AKAP7: variants seen among roughly 807,000 people sequenced by gnomAD.
AKAP7 encodes the protein A-kinase anchoring protein 7.
In AKAP7, 39 loss-of-function variants were observed where a neutral mutation model predicts 39.5. That is an observed-to-expected ratio of 0.99 (90% CI 0.76 to 1.29). The LOEUF is 1.29. Among genes scored for constraint, AKAP7 ranks in the 50% most tolerant of loss-of-function variants. The probability of loss-of-function intolerance (pLI) is 0.00; values close to 1 mark genes in which losing one functional copy is unlikely to be tolerated. For synonymous variants in AKAP7, 140 were observed against 139.1 expected (o/e 1.01, Z -0.05); for missense variants, 414 against 407.7 (o/e 1.02, Z -0.13).
chr6:131,212,674 A>G (rs1460536767), intron 6 of AKAP7, among the ~76,000 whole-genome samples: 2 of 152,178 alleles, frequency 1.3e-5, no homozygotes, highest in Non-Finnish European at 2.9e-5. Context: ...AGTAGTATGC[A>G]GGGAATACTC....
At chr6:131,160,781 G>A (rs1802867631) in intron 3 of AKAP7, among the ~76,000 whole-genome samples, 1 of 152,094 alleles carries the variant, frequency 6.6e-6, no homozygotes, top group African/African-American at 2.4e-5. Context: ...ACTTAATATT[G>A]CACCATTAAA....
chr6:131,141,784 T>A (rs1421480766), intron 1 of AKAP7, among the ~76,000 whole-genome samples: 1 of 152,200 alleles, frequency 6.6e-6, no homozygotes, highest in Non-Finnish European at 1.5e-5. Context: ...GTCTCTATGT[T>A]ATGCCCTAGC....
intron 7 of AKAP7, among the ~76,000 whole-genome samples, chr6:131,253,659 CTTATTTATTTATTTAT>C (rs56220549): frequency 2.2e-4 from 33 of 149,796 alleles, no homozygotes; most frequent in South Asian, 6.4e-4. Flanking sequence ...ATGAGATCTA[CTTATTTATTTATTTAT>C]TTATTTATTT....
chr6:131,139,194 T>C (rs1180589444), intron 1 of AKAP7, among the ~76,000 whole-genome samples: 1 of 152,218 alleles, frequency 6.6e-6, no homozygotes, highest in Admixed American at 6.5e-5. Flanking sequence ...GTGTTCTAAA[T>C]ATTTGGTTTG....
At chr6:131,185,318 A>T in intron 5 of AKAP7, 2 of 496,760 alleles carry the variant, frequency 4.0e-6, no homozygotes, top group Admixed American at 5.3e-5. Flanking sequence ...TTACTTCTTC[A>T]TCCAGCTGTA....
intron 7 of AKAP7, among the ~76,000 whole-genome samples, chr6:131,237,413 G>A (rs1811162882): frequency 6.6e-6 from 1 of 152,098 alleles, no homozygotes; most frequent in Admixed American, 6.5e-5. Flanking sequence ...GGATAATGCT[G>A]GCCTCATAAA....
intron 5 of AKAP7, among the ~76,000 whole-genome samples, chr6:131,170,920 T>C (rs988677580): frequency 7.9e-5 from 12 of 152,254 alleles, no homozygotes; most frequent in African/African-American, 2.9e-4. Context: ...AGAAGATTTC[T>C]GTTATGTACT....
chr6:131,242,398 C>A (rs1296644893), intron 7 of AKAP7, among the ~76,000 whole-genome samples: 1 of 151,976 alleles, frequency 6.6e-6, no homozygotes, highest in African/African-American at 2.4e-5. Context: ...TGTTCTCCAG[C>A]CATGTATTAC....
At position 131,282,089 on chromosome 6, in the gene AKAP7, T is replaced by C. The variant is rs980819387; in HGVS notation, c.*363T>C. ...CCATTTATATTGCTTAGCAGGGCATTTGACTACTTTATCTGAGGCCAGAAC... is the reference window on the plus strand; with the variant it reads ...CCATTTATATTGCTTAGCAGGGCATCTGACTACTTTATCTGAGGCCAGAAC... On this transcript the variant is annotated 3_prime_UTR_variant, in exon 8 of 8. Transcript: ENST00000431975. 2.6e-6 allele frequency: 3 copies of C among 1,142,788 alleles called. No individual in the cohort carries two copies. The highest frequency in any genetic ancestry group is 3.2e-6 in the Non-Finnish European group (3 of 932,170). 70.8% of individuals were successfully genotyped at this position (1,142,788 alleles called of 1,614,324 possible).
In AKAP7 at chr6:131,145,332, A is replaced by C. The variant is rs756775542; in HGVS notation, c.67A>C (p.Met23Leu). 8.3e-6 allele frequency: 13 copies of C among 1,564,054 alleles called. No homozygotes were observed. The highest frequency in any genetic ancestry group is 1.0e-5 in the Non-Finnish European group (12 of 1,151,016). ...TGAAAATGTATCAAGAAAAAAGAAA[A>C]TGTCAGAGGAATTTGAAGCCAATAC... is the stretch of plus-strand genomic sequence containing the variant. ...ECENVSRKKK[M>L]SEEFEANTMD... Residue 23 changes from methionine (M) to leucine (L), a missense_variant, in exon 2 of 8, where the codon ATG (methionine) becomes CTG (leucine). Coordinates refer to ENST00000431975, the MANE Select transcript of AKAP7 (RefSeq NM_016377.4).
intron 3 of AKAP7, among the ~76,000 whole-genome samples, chr6:131,161,418 A>G (rs1802932034): frequency 6.6e-6 from 1 of 151,800 alleles, no homozygotes; most frequent in Non-Finnish European, 1.5e-5. Flanking sequence ...GCTGAGGTGG[A>G]TGGATCCCTC....
At chr6:131,209,762 C>T (rs1432568471) in intron 6 of AKAP7, among the ~76,000 whole-genome samples, 1 of 152,066 alleles carries the variant, frequency 6.6e-6, no homozygotes, top group East Asian at 1.9e-4. Context: ...CTTCTGTCAG[C>T]TGGTAATTTT....
intron 1 of AKAP7, among the ~76,000 whole-genome samples, chr6:131,138,079 T>C (rs1800728220): frequency 6.6e-6 from 1 of 152,194 alleles, no homozygotes; most frequent in South Asian, 2.1e-4. Context: ...TTCTATTTCA[T>C]TGTACCCAGT....
At chr6:131,253,641 C>CT (rs1468634293) in intron 7 of AKAP7, among the ~76,000 whole-genome samples, 6 of 150,750 alleles carry the variant, frequency 4.0e-5, no homozygotes, top group Non-Finnish European at 7.4e-5. Context: ...TCATTCCACT[C>CT]TATCTCCATG....
chr6:131,241,627 G>GTGTGTGTGTATATATACGTATA, intron 7 of AKAP7, among the ~76,000 whole-genome samples: 1 of 86,638 alleles, frequency 1.2e-5, no homozygotes, highest in African/African-American at 5.0e-5. Flanking sequence ...GTGTGTGTGT[G>GTGTGTGTGTATATATACGTATA]TATATATATA....
chr6:131,143,909 C>T (rs1172183513), intron 1 of AKAP7, among the ~76,000 whole-genome samples: 1 of 139,438 alleles, frequency 7.2e-6, no homozygotes, highest in Admixed American at 7.5e-5. Flanking sequence ...GACCCTGCGG[C>T]CTTCCGAAGT....
chr6:131,268,207 A>G (rs1239484053), intron 7 of AKAP7, among the ~76,000 whole-genome samples: 1 of 152,154 alleles, frequency 6.6e-6, no homozygotes, highest in East Asian at 1.9e-4. Flanking sequence ...GTATACCTTC[A>G]CTTTCCCAGG....
intron 7 of AKAP7, among the ~76,000 whole-genome samples, chr6:131,274,684 G>A (rs1263590784): frequency 6.6e-6 from 1 of 152,058 alleles, no homozygotes; most frequent in East Asian, 1.9e-4. Flanking sequence ...ATGGTACATA[G>A]GTCCCTTTAT....
chr6:131,185,416 GC>G, intron 5 of AKAP7: 2 of 495,774 alleles, frequency 4.0e-6, no homozygotes, highest in Non-Finnish European at 3.8e-6. Context: ...TGTAATTGTG[GC>G]CCTGCTCCAT....
Sources: gnomAD v4.1 joint callset for allele counts (sites outside exome capture counted in the v4.1 genomes callset) on GRCh38, gnomAD v4.1.1 for gene constraint, MANE v1.5 for transcripts, NCBI Gene and HGNC (gene_info 2026-07-23, HGNC 2026-07-21) for gene names.